MED12L: variants seen among roughly 807,000 people sequenced by gnomAD.
MED12L encodes mediator of RNA polymerase II transcription subunit 12-like protein.
In MED12L, 60 loss-of-function variants were observed where a neutral mutation model predicts 281.3. That is an observed-to-expected ratio of 0.21 (90% CI 0.17 to 0.26). The LOEUF is 0.26. MED12L is among the 10% of genes least tolerant of loss of function. The pLI, the probability that MED12L is intolerant of heterozygous loss-of-function variation, is 1.00. For missense variants in MED12L, 2,146 were observed against 2,680.9 expected (o/e 0.80, Z 4.41); for synonymous variants, 974 against 987.2 (o/e 0.99, Z 0.25).
At chr3:151,319,730 T>C (rs942604324) in intron 16 of MED12L, among the ~76,000 whole-genome samples, 2 of 152,182 alleles carry the variant, frequency 1.3e-5, no homozygotes, top group African/African-American at 2.4e-5. Flanking sequence ...GAGCAGTACC[T>C]CATTTATTAT....
At chr3:151,153,777 C>G (rs1397343236) in intron 5 of MED12L, among the ~76,000 whole-genome samples, 1 of 152,016 alleles carries the variant, frequency 6.6e-6, no homozygotes, top group Non-Finnish European at 1.5e-5. Context: ...CCATGTTGGC[C>G]AGGCTGGTCT....
rs779529871 is a variant in MED12L, at chr3:151,163,913, A to C, written c.1128A>C (p.Pro376=). 1.2e-6 allele frequency: 2 copies of C among 1,613,102 alleles called. No homozygotes were observed. Among genetic ancestry groups the C allele is most frequent in the African/African-American group, 2.7e-5 (2 of 74,908 alleles). The change falls in exon 9 of 45, where the codon CCA becomes CCC. Residue 376 remains proline (P), a synonymous_variant. Coordinates refer to ENST00000687756, the MANE Select transcript of MED12L (RefSeq NM_001393769.1). ...CMLQTVTLCC[P]SALVWNYSTN... ...TCCAGACTGTCACTCTCTGTTGCCC[A>C]AGTGCCTTGGTGTGGAATTATTCCA...
At chr3:151,293,844 A>G (rs999277960) in intron 16 of MED12L, among the ~76,000 whole-genome samples, 6 of 152,144 alleles carry the variant, frequency 3.9e-5, no homozygotes, top group African/African-American at 1.4e-4. Context: ...TCTCTTTTCT[A>G]TACTTTTTGT....
chr3:151,328,419 A>T (rs756603051), intron 16 of MED12L: 2 of 1,613,582 alleles, frequency 1.2e-6, no homozygotes, highest in Non-Finnish European at 1.7e-6. Flanking sequence ...ATAAACTGGC[A>T]TATGTTATTT....
chr3:151,378,471 C>A (rs2108088782), intron 31 of MED12L, among the ~76,000 whole-genome samples: 1 of 152,012 alleles, frequency 6.6e-6, no homozygotes, highest in East Asian at 1.9e-4. Context: ...GCTACCTGAT[C>A]CCTGTATTTT....
chr3:151,333,577 A>T (rs2149894677), intron 16 of MED12L, among the ~76,000 whole-genome samples: 1 of 152,302 alleles, frequency 6.6e-6, no homozygotes, highest in Admixed American at 6.5e-5. Flanking sequence ...TTAGTTTACG[A>T]TAATAGTTTT....
Position 151,411,333 on chromosome 3 carries a change from C to G in MED12L, c.5966C>G (p.Ser1989Trp). 6.2e-7 allele frequency: 1 copy of G among 1,614,224 alleles called. No individual in the cohort carries two copies. The change falls in exon 41 of 45, where the codon TCG becomes TGG. Residue 1989 changes from serine (S) to tryptophan (W), a missense_variant. Transcript: ENST00000687756. Reference protein sequence around the residue: ...YGTQMPLQQTSQQQAGSVVLS... With the variant: ...YGTQMPLQQTWQQQAGSVVLS... ...ACACAGATGCCTTTGCAGCAGACAT[C>G]GCAGCAGCAGGCTGGCAGTGTGGTC...
At chr3:151,363,732 A>G (rs1221044731) in intron 21 of MED12L, among the ~76,000 whole-genome samples, 1 of 152,164 alleles carries the variant, frequency 6.6e-6, no homozygotes, top group Non-Finnish European at 1.5e-5. Flanking sequence ...ATTACTTGGC[A>G]CTTGATTTAT....
chr3:151,253,922 C>T (rs1313037004), intron 16 of MED12L, among the ~76,000 whole-genome samples: 11 of 151,890 alleles, frequency 7.2e-5, no homozygotes, highest in Admixed American at 6.6e-4. Flanking sequence ...TGAGGACCTC[C>T]ACTACTTTTT....
chr3:151,261,318 C>A (rs1738842886), intron 16 of MED12L: 1 of 152,000 alleles, frequency 6.6e-6, no homozygotes, highest in African/African-American at 2.4e-5. Flanking sequence ...AAGCTGGTTT[C>A]TAATCTAATA....
intron 27 of MED12L, among the ~76,000 whole-genome samples, chr3:151,373,816 G>A (rs1255574122): frequency 2.6e-5 from 4 of 151,888 alleles, no homozygotes; most frequent in Admixed American, 6.6e-5. Context: ...TCTCTGCCCC[G>A]GGCCTGGAAT....
intron 16 of MED12L, among the ~76,000 whole-genome samples, chr3:151,349,564 A>G (rs1279850628): frequency 6.6e-6 from 1 of 151,880 alleles, no homozygotes; most frequent in Admixed American, 6.5e-5. Context: ...GATTACAGAC[A>G]GGAGCCACTG....
intron 16 of MED12L, among the ~76,000 whole-genome samples, chr3:151,197,439 C>A (rs1037303985): frequency 6.6e-6 from 1 of 152,144 alleles, no homozygotes; most frequent in Non-Finnish European, 1.5e-5. Context: ...TGAGCCACCA[C>A]GCCCGGCTGG....
At chr3:151,109,693 A>C (rs950852389) in intron 2 of MED12L, among the ~76,000 whole-genome samples, 5 of 152,188 alleles carry the variant, frequency 3.3e-5, no homozygotes, top group African/African-American at 1.2e-4. Context: ...ATGTGTGTAC[A>C]ACTATTTTGC....
chr3:151,270,081 T>A (rs1051631409), intron 16 of MED12L: 6 of 218,858 alleles, frequency 2.7e-5, no homozygotes, highest in Non-Finnish European at 4.5e-5. Flanking sequence ...ATGAAGAAGA[T>A]GAAGATGATG....
chr3:151,435,398 C>G lies in MED12L; in HGVS notation c.*2594C>G, dbSNP rs1282329096. On this transcript the variant is annotated 3_prime_UTR_variant, in exon 45 of 45. Transcript: ENST00000687756. ...AGAGGAGATCAATGCGTAGCTTTGA[C>G]CACTTCCAGCCACAGGGTACTAACA... is the stretch of plus-strand genomic sequence containing the variant. 6.6e-6 allele frequency: 1 copy of G among 152,148 alleles called. No homozygotes were observed. Among genetic ancestry groups the G allele is most frequent in the African/African-American group, 2.4e-5 (1 of 41,434 alleles). The allele number at this position is 152,148 out of a possible 1,614,324, so 9.4% of individuals were successfully genotyped here. A position where few individuals can be genotyped will look rare whatever the true frequency, so the allele number is the denominator to read the frequency against.
At chr3:151,353,414 T>A (rs1176260423) in intron 17 of MED12L, among the ~76,000 whole-genome samples, 1 of 152,194 alleles carries the variant, frequency 6.6e-6, no homozygotes, top group African/African-American at 2.4e-5. Flanking sequence ...ATTGAAAAAA[T>A]AAGCAGGTTT....
intron 16 of MED12L, among the ~76,000 whole-genome samples, chr3:151,282,536 C>G (rs1200223871): frequency 6.6e-6 from 1 of 152,014 alleles, no homozygotes; most frequent in African/African-American, 2.4e-5. Flanking sequence ...TATGAAAGTA[C>G]AGTGTACAAG....
Position 151,338,240 on chromosome 3 carries a change from G to T in MED12L, c.2251-11819G>T, listed in dbSNP as rs774623268. The T allele has an allele frequency of 5.0e-6, 8 of 1,613,994 alleles. No individual in the cohort carries two copies. Among genetic ancestry groups the T allele is most frequent in the East Asian group, 2.2e-5 (1 of 44,880 alleles). On this transcript the variant is annotated intron_variant, in intron 16 of 44. Transcript: ENST00000687756. ...GTGTATAACATACAATAACAATTAA[G>T]AAATTAATCCAGAAAATGACTTGAC...
Sources: gnomAD v4.1 joint callset for allele counts (sites outside exome capture counted in the v4.1 genomes callset) on GRCh38, gnomAD v4.1.1 for gene constraint, MANE v1.5 for transcripts, NCBI Gene and HGNC (gene_info 2026-07-23, HGNC 2026-07-21) for gene names.